CLTB: variants seen among roughly 807,000 people sequenced by gnomAD.
The protein encoded by CLTB is clathrin light chain B, also known as clathrin, light chain (Lcb).
A neutral mutation model predicts 30.5 loss-of-function variants in CLTB; 10 were observed. The ratio of observed to expected loss-of-function variants is 0.33; its 90% CI spans 0.20 to 0.56. CLTB has a LOEUF of 0.56. Among genes scored for constraint, CLTB ranks in the 20% least tolerant of loss-of-function variants. The pLI is 0.91. For synonymous variants in CLTB, 102 were observed against 120.3 expected (o/e 0.85, Z 1.00); for missense variants, 261 against 308.3 (o/e 0.85, Z 1.15).
chr5:176,415,356 A>G (rs1757641068), intron 1 of CLTB, among the ~76,000 whole-genome samples: 1 of 152,138 alleles, frequency 6.6e-6, no homozygotes, highest in African/African-American at 2.4e-5. Context: ...CAGTGTGGTC[A>G]GGTGGAGAGG....
intron 2 of CLTB, chr5:176,402,002 C>G (rs1363924201): frequency 3.1e-6 from 1 of 318,410 alleles, no homozygotes; most frequent in South Asian, 2.5e-5. Flanking sequence ...TCATGTCACA[C>G]TTTAAAATAT....
In CLTB at chr5:176,414,552, C is replaced by T. The variant is rs555034221; in HGVS notation, c.187+1625G>A. The stretch of plus-strand genomic sequence containing the variant: ...CCGGGCTCAAGCTATGCTCCTGCCT[C>T]AGCCTTCCCGAGCAGCTGGAACTAC... On this transcript the variant is annotated intron_variant, in intron 1 of 5. Transcript: ENST00000310418. Among the ~76,000 whole-genome samples, 18 of 152,128 alleles carry T rather than the reference C, an allele frequency of 1.2e-4. 1 individual carries two copies. In the South Asian group the frequency reaches 3.7e-3, roughly 32 times the overall value.
At chr5:176,398,079 C>T in intron 2 of CLTB, 32 bp from the exon 3 acceptor site, 1 of 1,588,858 alleles carries the variant, frequency 6.3e-7, no homozygotes, top group Non-Finnish European at 8.6e-7. Context: ...GTCTATCCAG[C>T]CAGCACACCT....
In CLTB at chr5:176,416,413, C is replaced by T. The variant is rs1051033514; in HGVS notation, c.-50G>A. On this transcript the variant is annotated 5_prime_UTR_variant, in exon 1 of 6. Transcript: ENST00000310418. Reference sequence around the variant, plus strand: ...TCCGCTGCGCTCGGCTCTGCCCGCGCCTGCCCCGCGCTGCGTCCGGCGGCC... The same window carrying T: ...TCCGCTGCGCTCGGCTCTGCCCGCGTCTGCCCCGCGCTGCGTCCGGCGGCC... The T allele has an allele frequency of 6.8e-7, 1 of 1,465,468 alleles. No homozygotes were observed. The highest frequency in any genetic ancestry group is 1.5e-5 in the African/African-American group (1 of 67,430). The allele number at this position is 1,465,468 out of a possible 1,614,324, so 90.8% of individuals were successfully genotyped here. A position where few individuals can be genotyped will look rare whatever the true frequency, so the allele number is the denominator to read the frequency against.
chr5:176,416,125 G>A, intron 1 of CLTB, 52 bp downstream of exon 1: 1 of 1,439,674 alleles, frequency 6.9e-7, no homozygotes, highest in Middle Eastern at 2.2e-4. Flanking sequence ...CCCCGGCCGG[G>A]GTCCCCCGGG....
At chr5:176,411,490 G>C (rs1445849891) in intron 1 of CLTB, among the ~76,000 whole-genome samples, 1 of 152,112 alleles carries the variant, frequency 6.6e-6, no homozygotes, top group Non-Finnish European at 1.5e-5. Context: ...CTAATTAAAG[G>C]CCTCCCTGAC....
chr5:176,406,982 A>C (rs1757155938), intron 2 of CLTB, among the ~76,000 whole-genome samples: 1 of 152,180 alleles, frequency 6.6e-6, no homozygotes, highest in Non-Finnish European at 1.5e-5. Context: ...GATTCAGCTC[A>C]TCTGTGACCC....
intron 2 of CLTB, chr5:176,406,472 A>G: frequency 8.4e-7 from 1 of 1,185,202 alleles, no homozygotes; most frequent in East Asian, 6.6e-5. Context: ...GGGATTGATC[A>G]GCTAAATCTA....
At chr5:176,408,539 G>GAAA (rs746561617) in intron 2 of CLTB, among the ~76,000 whole-genome samples, 5 of 118,582 alleles carry the variant, frequency 4.2e-5, no homozygotes, top group African/African-American at 1.6e-4. Flanking sequence ...TCCATCTCAG[G>GAAA]AAAAAAAAAA....
chr5:176,398,661 G>A (rs923363905), intron 2 of CLTB, among the ~76,000 whole-genome samples: 4 of 150,854 alleles, frequency 2.7e-5, no homozygotes, highest in Admixed American at 1.3e-4. Flanking sequence ...GCAGTGAGCC[G>A]AGATCACACC....
At position 176,410,098 on chromosome 5, in the gene CLTB, CA is replaced by C. The variant is rs1434630112; in HGVS notation, c.234+158del. On this transcript the variant is annotated intron_variant, in intron 2 of 5. Coordinates refer to ENST00000310418, the MANE Select transcript of CLTB (RefSeq NM_007097.5). The stretch of plus-strand genomic sequence containing the variant: ...TTCTTCTTCCCTGCCCTCTACATGA[CA>C]AAAAAAATTCCAAAAACCTTTCTCT... Among the ~76,000 whole-genome samples the C allele has an allele frequency of 2.6e-5, 4 of 151,974 alleles. No individual in the cohort carries two copies. In the South Asian group the frequency reaches 8.3e-4, roughly 32 times the overall value.
chr5:176,395,463 T>C (rs866678781), intron 5 of CLTB, among the ~76,000 whole-genome samples: 2 of 152,168 alleles, frequency 1.3e-5, no homozygotes, highest in South Asian at 4.1e-4. Context: ...AGACGAAGGC[T>C]CTGGTGTGCT....
intron 2 of CLTB, among the ~76,000 whole-genome samples, chr5:176,404,977 C>T (rs1010919010): frequency 1.3e-5 from 2 of 152,186 alleles, no homozygotes; most frequent in African/African-American, 2.4e-5. Context: ...CTACACAACT[C>T]GAGCGAGCTG....
chr5:176,406,541 G>A, intron 2 of CLTB: 1 of 1,273,140 alleles, frequency 7.9e-7, no homozygotes, highest in South Asian at 1.3e-5. Context: ...GGGAGTATTA[G>A]GGGAAAGGAG....
chr5:176,392,747 C>T lies in CLTB; in HGVS notation c.*27G>A. ...CTCCTGTGCCCAGGCCCAGCCCATG[C>T]TCTGTGGCCATGCACCTAGCAGGCA... On this transcript the variant is annotated 3_prime_UTR_variant, in exon 6 of 6. Transcript: ENST00000310418. This position sits in a 1 kb window ranked among gnomAD's most constrained non-coding sequence, Gnocchi z 5.2. 6.2e-7 allele frequency: 1 copy of T among 1,612,180 alleles called. No individual in the cohort carries two copies. The highest frequency in any genetic ancestry group is 8.5e-7 in the Non-Finnish European group (1 of 1,179,202).
chr5:176,405,632 A>C (rs1757072368), intron 2 of CLTB: 1 of 152,234 alleles, frequency 6.6e-6, no homozygotes, highest in Non-Finnish European at 1.5e-5. Context: ...ATGTGCACTG[A>C]CCAAATGAAT....
chr5:176,396,600 G>T, intron 4 of CLTB, 68 bp from the exon 5 acceptor site: 1 of 1,101,508 alleles, frequency 9.1e-7, no homozygotes, highest in Non-Finnish European at 1.4e-6. Flanking sequence ...CAGGCAGGCA[G>T]AAGGTTAGAG....
chr5:176,397,749 T>C, intron 3 of CLTB, 31 bp from the exon 4 acceptor site: 1 of 1,596,168 alleles, frequency 6.3e-7, no homozygotes, highest in Non-Finnish European at 8.6e-7. Flanking sequence ...GAGTGGCTGC[T>C]TTCCAGCTGG....
chr5:176,409,007 G>C (rs1757283633), intron 2 of CLTB, among the ~76,000 whole-genome samples: 3 of 150,780 alleles, frequency 2.0e-5, no homozygotes, highest in Admixed American at 2.0e-4. Flanking sequence ...ATAGAGTTTT[G>C]CTCTTGTTGC....
Sources: allele counts gnomAD v4.1 joint callset (sites outside exome capture counted in the v4.1 genomes callset), GRCh38; gene constraint gnomAD v4.1.1; non-coding constraint Gnocchi (gnomAD v3.1); transcripts MANE v1.5; gene names NCBI Gene and HGNC (gene_info 2026-07-23, HGNC 2026-07-21).